The following RTN1 variants were observed in gnomAD, a reference collection of about 807,000 sequenced individuals.
RTN1 encodes the protein reticulon-1.
Under a neutral mutation model 65.5 loss-of-function variants are expected in RTN1, and 25 were observed. The observed-to-expected ratio is 0.38, with a 90% CI of 0.28 to 0.53. RTN1 has a LOEUF of 0.53. RTN1 is among the 20% of genes least tolerant of loss of function. The pLI is 0.79. For missense variants in RTN1, 983 were observed against 1,025.4 expected (o/e 0.96, Z 0.57); for synonymous variants, 471 against 447.6 (o/e 1.05, Z -0.66).
At position 59,825,295 on chromosome 14, in the gene RTN1, C is replaced by G. The variant is rs187601576; in HGVS notation, c.241+45095G>C. Among the ~76,000 whole-genome samples, 3 of 152,336 alleles carry G rather than the reference C, an allele frequency of 2.0e-5. No homozygotes were observed. Among genetic ancestry groups the G allele is most frequent in the African/African-American group, 4.8e-5 (2 of 41,586 alleles). ...CCAGCTGAGAACCTTAGCTCACCATCTTGTATCTGACCTCTGGGTTACCTG... is the reference window on the plus strand; with the variant it reads ...CCAGCTGAGAACCTTAGCTCACCATGTTGTATCTGACCTCTGGGTTACCTG... On this transcript the variant is annotated intron_variant, in intron 1 of 8. Coordinates refer to ENST00000267484, the MANE Select transcript of RTN1 (RefSeq NM_021136.3). The surrounding 1 kb of genome is among the most constrained non-coding windows in gnomAD (Gnocchi z 4.2).
chr14:59,821,703 G>T (rs1306987772), intron 1 of RTN1, among the ~76,000 whole-genome samples: 1 of 152,140 alleles, frequency 6.6e-6, no homozygotes, highest in African/African-American at 2.4e-5. Flanking sequence ...TGCCCAGTTT[G>T]TTGAGGGTTT....
chr14:59,691,400 C>T (rs1464187210), intron 3 of RTN1, among the ~76,000 whole-genome samples: 1 of 152,106 alleles, frequency 6.6e-6, no homozygotes, highest in Admixed American at 6.6e-5. Context: ...AACTGAAACC[C>T]TGAATACACC....
At chr14:59,707,748 C>A (rs1014439236) in intron 3 of RTN1, among the ~76,000 whole-genome samples, 1 of 150,722 alleles carries the variant, frequency 6.6e-6, no homozygotes, top group Non-Finnish European at 1.5e-5. Context: ...CACACAAATA[C>A]ATACACACAA....
chr14:59,698,682 C>T (rs1036422028), intron 3 of RTN1, among the ~76,000 whole-genome samples: 10 of 152,206 alleles, frequency 6.6e-5, no homozygotes, highest in African/African-American at 2.4e-4. Flanking sequence ...TCCCCAGCCA[C>T]GTGGAACTGT....
At chr14:59,780,625 A>G (rs1220791591) in intron 1 of RTN1, among the ~76,000 whole-genome samples, 1 of 152,000 alleles carries the variant, frequency 6.6e-6, no homozygotes, top group Non-Finnish European at 1.5e-5. Flanking sequence ...GTCACAGACT[A>G]TTTTTGTTTT....
At chr14:59,844,100 T>C (rs2139655378) in intron 1 of RTN1, among the ~76,000 whole-genome samples, 1 of 152,270 alleles carries the variant, frequency 6.6e-6, no homozygotes, top group South Asian at 2.1e-4. Flanking sequence ...GAGTCCTTTC[T>C]GGGAAAAAGA....
Position 59,749,576 on chromosome 14 carries a change from TATATAG to T in RTN1, c.242-3101_242-3096del, listed in dbSNP as rs1242417179. On this transcript the variant is annotated intron_variant, in intron 1 of 8. Coordinates refer to ENST00000267484, the MANE Select transcript of RTN1 (RefSeq NM_021136.3). ...ATAGATATCTATATATAGATATATATATATAGATATTTATATATATATCTATCTATA... is the reference window on the plus strand; with the variant it reads ...ATAGATATCTATATATAGATATATATATATTTATATATATATCTATCTATA... 3.1e-3 allele frequency among the ~76,000 whole-genome samples: 123 copies of T among 39,240 alleles called. 13 individuals are homozygous for T. Among genetic ancestry groups the T allele is most frequent in the African/African-American group, 0.023 (112 of 4,770 alleles). The allele number at this position is 39,240 out of a possible 152,430, so 25.7% of individuals were successfully genotyped here.
At chr14:59,776,531 C>T (rs1008539768) in intron 1 of RTN1, among the ~76,000 whole-genome samples, 1 of 152,094 alleles carries the variant, frequency 6.6e-6, no homozygotes, top group African/African-American at 2.4e-5. Context: ...CTGTGGCATT[C>T]TATTATAGCA....
intron 3 of RTN1, among the ~76,000 whole-genome samples, chr14:59,703,412 A>G (rs1884222181): frequency 6.6e-6 from 1 of 151,568 alleles, no homozygotes; most frequent in South Asian, 2.1e-4. Context: ...AGAGTGTGGC[A>G]CCTCCCATCT....
chr14:59,654,351 C>A (rs1307355237), intron 3 of RTN1, among the ~76,000 whole-genome samples: 5 of 150,946 alleles, frequency 3.3e-5, no homozygotes, highest in Non-Finnish European at 5.9e-5. Flanking sequence ...TTGTTTGAAC[C>A]CGGGCAGGGG....
At chr14:59,688,366 C>T in intron 3 of RTN1, among the ~76,000 whole-genome samples, 1 of 152,228 alleles carries the variant, frequency 6.6e-6, no homozygotes. Flanking sequence ...CTAGGCACAC[C>T]TCTGGGTACG....
At chr14:59,603,606 A>G (rs758345757) in intron 6 of RTN1, among the ~76,000 whole-genome samples, 1 of 151,964 alleles carries the variant, frequency 6.6e-6, no homozygotes, top group Non-Finnish European at 1.5e-5. Context: ...ATATATTACA[A>G]GCCAGAAAGA....
chr14:59,768,788 T>C (rs896593275), intron 1 of RTN1, among the ~76,000 whole-genome samples: 1 of 152,180 alleles, frequency 6.6e-6, no homozygotes, highest in Non-Finnish European at 1.5e-5. Context: ...AACATTTCTA[T>C]ATGCTAAGCA....
At chr14:59,670,672 A>G (rs1390271578) in intron 3 of RTN1, among the ~76,000 whole-genome samples, 1 of 152,198 alleles carries the variant, frequency 6.6e-6, no homozygotes. Context: ...GTACCTCCAT[A>G]GCATATACTG....
chr14:59,733,185 G>A (rs755318674), intron 2 of RTN1, among the ~76,000 whole-genome samples: 55 of 151,716 alleles, frequency 3.6e-4, no homozygotes, highest in East Asian at 5.8e-4. Flanking sequence ...TCCGCCTCCC[G>A]GGTTCAAGCA....
rs566234462 is a variant in RTN1 at position 59,662,909 on chromosome 14, A to G, written c.1766-55417T>C. Among the ~76,000 whole-genome samples the G allele has an allele frequency of 7.2e-4, 110 of 152,318 alleles. 1 individual carries two copies. In the South Asian group the frequency reaches 9.5e-3, roughly 13 times the overall value. ...ATTGACTTTCTTCACCGAATTAGAAAAAACTACTTTAAAGTTCACACAGAG... is the reference window on the plus strand; with the variant it reads ...ATTGACTTTCTTCACCGAATTAGAAGAAACTACTTTAAAGTTCACACAGAG... On this transcript the variant is annotated intron_variant, in intron 3 of 8. Transcript: ENST00000267484.
At chr14:59,812,303 T>A (rs1886744124) in intron 1 of RTN1, among the ~76,000 whole-genome samples, 1 of 152,198 alleles carries the variant, frequency 6.6e-6, no homozygotes, top group African/African-American at 2.4e-5. Context: ...TCATAAGTGA[T>A]GGAATTTTTT....
intron 2 of RTN1, among the ~76,000 whole-genome samples, chr14:59,731,104 TA>T (rs1481852281): frequency 1.3e-5 from 2 of 152,174 alleles, no homozygotes; most frequent in Non-Finnish European, 2.9e-5. Flanking sequence ...AGAAACAATC[TA>T]ATATCCATCA....
chr14:59,671,794 G>A (rs1272524269), intron 3 of RTN1, among the ~76,000 whole-genome samples: 1 of 152,228 alleles, frequency 6.6e-6, no homozygotes, highest in Non-Finnish European at 1.5e-5. Context: ...ACAGCTCTAA[G>A]CTTCCCCCAT....
Sources: allele counts gnomAD v4.1 joint callset (sites outside exome capture counted in the v4.1 genomes callset), GRCh38; gene constraint gnomAD v4.1.1; non-coding constraint Gnocchi (gnomAD v3.1); transcripts MANE v1.5; gene names NCBI Gene and HGNC (gene_info 2026-07-23, HGNC 2026-07-21).